Variants in C12orf43 observed in about 807,000 individuals in gnomAD.
The protein encoded by C12orf43 is chromosome 12 open reading frame 43.
C12orf43 carries 15 observed loss-of-function variants against 20.6 expected under a neutral mutation model. The ratio of observed to expected loss-of-function variants is 0.73; its 90% CI spans 0.49 to 1.12. The LOEUF is 1.12. C12orf43 is among the 50% of genes most tolerant of loss of function. The pLI, the probability that C12orf43 is intolerant of heterozygous loss-of-function variation, is 0.00. For synonymous variants in C12orf43, 144 were observed against 130.8 expected (o/e 1.10, Z -0.69); for missense variants, 334 against 344.4 (o/e 0.97, Z 0.24).
chr12:121,006,689 G>A, intron 3 of C12orf43: 1 of 318,184 alleles, frequency 3.1e-6, no homozygotes, highest in East Asian at 7.2e-5. Flanking sequence ...TGTAATCCTA[G>A]CACTTTGGGA....
chr12:121,012,467 G>T (rs543687135), intron 1 of C12orf43: 1 of 702,586 alleles, frequency 1.4e-6, no homozygotes, highest in Non-Finnish European at 2.6e-6. Context: ...GCTGTGCAGC[G>T]TGAGACTGTT....
chr12:121,013,918 T>C (rs1868624396), intron 1 of C12orf43, among the ~76,000 whole-genome samples: 1 of 152,204 alleles, frequency 6.6e-6, no homozygotes, highest in South Asian at 2.1e-4. Context: ...ATGGGGCTAA[T>C]ACACCCTCTT....
At position 121,005,439 on chromosome 12, in the gene C12orf43, G is replaced by C. The variant is rs1273465170; in HGVS notation, c.362-346C>G. Among the ~76,000 whole-genome samples, 2 of 152,138 alleles carry C rather than the reference G, an allele frequency of 1.3e-5. No homozygotes were observed. The highest frequency in any genetic ancestry group is 3.9e-4 in the East Asian group (2 of 5,182). On this transcript the variant is annotated intron_variant, in intron 4 of 5. Coordinates refer to ENST00000288757, the MANE Select transcript of C12orf43 (RefSeq NM_022895.3). The surrounding 1 kb of genome is among the most constrained non-coding windows in gnomAD (Gnocchi z 5.6). ...AGAGGCAAAGACCCAGGAATCAGTC[G>C]TCTAACTACAAAGTGATTCTGCATC...
chr12:121,016,254 C>CTCA (rs775369828), intron 1 of C12orf43, 76 bp downstream of exon 1: 2 of 1,603,646 alleles, frequency 1.2e-6, no homozygotes, highest in African/African-American at 2.7e-5. Context: ...TGACTCTCTC[C>CTCA]TCACCATCCA....
chr12:121,006,157 A>G, intron 4 of C12orf43, 164 bp downstream of exon 4: 1 of 611,140 alleles, frequency 1.6e-6, no homozygotes, highest in Non-Finnish European at 2.8e-6. Context: ...TTGAGGCTGC[A>G]TTGAGCTATA....
intron 2 of C12orf43, 26 bp from the exon 3 acceptor site, chr12:121,010,952 C>T: frequency 6.2e-7 from 1 of 1,613,050 alleles, no homozygotes; most frequent in Non-Finnish European, 8.5e-7. Flanking sequence ...AGAGACCTCA[C>T]TTCCTGCCCG....
At chr12:121,006,241 T>C (rs1878009128) in intron 4 of C12orf43, 80 bp downstream of exon 4, 12 of 1,111,506 alleles carry the variant, frequency 1.1e-5, no homozygotes, top group Non-Finnish European at 1.6e-5. Flanking sequence ...AAAAAGAATA[T>C]ACCAAAACTG....
intron 3 of C12orf43, among the ~76,000 whole-genome samples, chr12:121,010,086 G>A (rs1289376800): frequency 1.3e-5 from 2 of 152,226 alleles, no homozygotes; most frequent in Admixed American, 6.5e-5. Context: ...TGGATCACTC[G>A]AGGTCAGGAG....
Position 121,004,131 on chromosome 12 carries a change from A to T in C12orf43, c.*22T>A, listed in dbSNP as rs939938885. ...GACACCTTGTCCTTGGAGCTGGCTG[A>T]GCCCTGTGCCCATGGCTGGGTTCAG... On this transcript the variant is annotated 3_prime_UTR_variant, in exon 6 of 6. Coordinates refer to ENST00000288757, the MANE Select transcript of C12orf43 (RefSeq NM_022895.3). The surrounding 1 kb of genome is among the most constrained non-coding windows in gnomAD (Gnocchi z 5.6). 2.5e-6 allele frequency: 4 copies of T among 1,612,386 alleles called. No individual in the cohort carries two copies. Among genetic ancestry groups the T allele is most frequent in the Non-Finnish European group, 2.5e-6 (3 of 1,178,440 alleles).
chr12:121,012,849 TAAAAAAAAAAA>T (rs10636003), intron 1 of C12orf43, among the ~76,000 whole-genome samples: 51 of 91,974 alleles, frequency 5.5e-4, no homozygotes, highest in Admixed American at 1.6e-3. Flanking sequence ...AGACTCCGTC[TAAAAAAAAAAA>T]AAAAAAAAAA....
intron 1 of C12orf43, among the ~76,000 whole-genome samples, chr12:121,015,277 T>C (rs2135890335): frequency 6.6e-6 from 1 of 152,220 alleles, no homozygotes; most frequent in East Asian, 1.9e-4. Context: ...AGGGGCAGAC[T>C]ATGGTCTGGA....
At chr12:121,016,228 G>A (rs756547826) in intron 1 of C12orf43, 102 bp downstream of exon 1, 24 of 1,570,442 alleles carry the variant, frequency 1.5e-5, no homozygotes, top group Middle Eastern at 2.1e-4. Context: ...TCTCGGGGAA[G>A]GAAGCCGAGT....
chr12:121,010,235 G>C (rs949715454), intron 3 of C12orf43, among the ~76,000 whole-genome samples: 104 of 152,262 alleles, frequency 6.8e-4, no homozygotes, highest in African/African-American at 2.4e-3. Flanking sequence ...TCCAGGAGGT[G>C]GAGGCTGCAG....
At position 121,016,466 on chromosome 12, in the gene C12orf43, C is replaced by T. The variant is rs777794481; in HGVS notation, c.9G>A (p.Ala3=). The change falls in exon 1 of 6, where the codon GCG becomes GCA. Residue 3 remains alanine, a synonymous_variant. Coordinates refer to ENST00000288757, the MANE Select transcript of C12orf43 (RefSeq NM_022895.3). ...CCGAATCGCTCACTGTGCCACTGGG[C>T]GCCGCCATCTTGAACCACCGCAAAG... The part of the protein sequence containing the change: MA[A]PSGTVSDSES... 8.7e-6 allele frequency: 14 copies of T among 1,613,906 alleles called. No individual in the cohort carries two copies. Among genetic ancestry groups the T allele is most frequent in the East Asian group, 6.7e-5 (3 of 44,886 alleles).
chr12:121,009,334 T>A (rs1338386586), intron 3 of C12orf43, among the ~76,000 whole-genome samples: 1 of 152,132 alleles, frequency 6.6e-6, no homozygotes, highest in East Asian at 1.9e-4. Flanking sequence ...TGCGCACCTG[T>A]AACCCCAGCT....
At position 121,004,201 on chromosome 12, in the gene C12orf43, G is replaced by A; in HGVS notation, c.741C>T (p.Thr247=). ...CACTCTTTGCTGGTGGGAATGGAGAGGTCTCGCTGGCCTTCTTTGCCTTTT... is the reference window on the plus strand; with the variant it reads ...CACTCTTTGCTGGTGGGAATGGAGAAGTCTCGCTGGCCTTCTTTGCCTTTT... ...KKKKAKKASE[T]SPFPPAKSAT... Residue 247 remains threonine (T), a synonymous_variant, in exon 6 of 6, where the codon ACC becomes ACT. Transcript: ENST00000288757. This position sits in a 1 kb window ranked among gnomAD's most constrained non-coding sequence, Gnocchi z 5.6. 1 of 1,614,194 alleles carries A rather than the reference G, an allele frequency of 6.2e-7. No individual in the cohort carries two copies. Among genetic ancestry groups the A allele is most frequent in the Non-Finnish European group, 8.5e-7 (1 of 1,180,022 alleles).
chr12:121,011,782 C>G (rs1215173231), intron 1 of C12orf43, among the ~76,000 whole-genome samples: 1 of 152,180 alleles, frequency 6.6e-6, no homozygotes, highest in Non-Finnish European at 1.5e-5. Flanking sequence ...TGGCTGTGTG[C>G]TAAGTGCCGT....
rs1565892275 is a variant in C12orf43 at position 121,004,180 on chromosome 12, C to T, written c.762G>A (p.Lys254=). The T allele has an allele frequency of 6.2e-7, 1 of 1,614,210 alleles. No homozygotes were observed. Among genetic ancestry groups the T allele is most frequent in the Non-Finnish European group, 8.5e-7 (1 of 1,180,038 alleles). Residue 254 remains lysine (K), a synonymous_variant, in exon 6 of 6, where the codon AAG becomes AAA. Transcript: ENST00000288757. This position sits in a 1 kb window ranked among gnomAD's most constrained non-coding sequence, Gnocchi z 5.6. ...AGTTTGCAGGTATAGCTGTAGCACT[C>T]TTTGCTGGTGGGAATGGAGAGGTCT... ...ASETSPFPPA[K]SATAIPAN
chr12:121,001,242 A>G lies in C12orf43; in HGVS notation c.*2911T>C, dbSNP rs2135855114. On this transcript the variant is annotated 3_prime_UTR_variant, in exon 6 of 6. Transcript: ENST00000288757. ...TGTACTGCCTGCTTGGGGGGTGATGAGGGCAGCAGCCAGCCCTGCCTGGAG... is the reference window on the plus strand; with the variant it reads ...TGTACTGCCTGCTTGGGGGGTGATGGGGGCAGCAGCCAGCCCTGCCTGGAG... 1 of 1,607,282 alleles carries G rather than the reference A, an allele frequency of 6.2e-7. No homozygotes were observed. Among genetic ancestry groups the G allele is most frequent in the African/African-American group, 1.3e-5 (1 of 74,906 alleles).
Sources: allele counts gnomAD v4.1 joint callset (sites outside exome capture counted in the v4.1 genomes callset), GRCh38; gene constraint gnomAD v4.1.1; non-coding constraint Gnocchi (gnomAD v3.1); transcripts MANE v1.5; gene names NCBI Gene and HGNC (gene_info 2026-07-23, HGNC 2026-07-21).